Variants in PPP4C observed in about 807,000 individuals in gnomAD.
The protein encoded by PPP4C is protein phosphatase 4 catalytic subunit.
A neutral mutation model predicts 40.5 loss-of-function variants in PPP4C; 10 were observed. That is an observed-to-expected ratio of 0.25 (90% confidence interval 0.15 to 0.42). The LOEUF (loss-of-function observed/expected upper bound fraction) is 0.42. Ranked by LOEUF, PPP4C falls within the 10% of genes least tolerant of loss-of-function variation. The pLI is 1.00. For missense variants in PPP4C, 191 were observed against 416.4 expected (o/e 0.46, Z 4.71); for synonymous variants, 187 against 163.6 (o/e 1.14, Z -1.09).
At chr16:30,081,469 G>T in intron 3 of PPP4C, 159 bp downstream of exon 3, 1 of 617,296 alleles carries the variant, frequency 1.6e-6, no homozygotes, top group Non-Finnish European at 2.8e-6. Context: ...GGGTTGCTGT[G>T]CACGTTGGCT....
Position 30,085,320 on chromosome 16 carries a change from T to C in PPP4C, c.*258T>C, listed in dbSNP as rs1340398349. ...TTTCCTTCTTTTTTCTGTTTGTTTTTAGATAAAAATTTTGAGAAAAAAAAT... is the reference window on the plus strand; with the variant it reads ...TTTCCTTCTTTTTTCTGTTTGTTTTCAGATAAAAATTTTGAGAAAAAAAAT... On this transcript the variant is annotated 3_prime_UTR_variant, in exon 9 of 9. Transcript: ENST00000279387. 2.5e-5 allele frequency: 9 copies of C among 364,348 alleles called. No individual in the cohort carries two copies. The highest frequency in any genetic ancestry group is 9.3e-5 in the South Asian group (1 of 10,740). The allele number at this position is 364,348 out of a possible 1,614,324, so 22.6% of individuals were successfully genotyped here. A position where few individuals can be genotyped will look rare whatever the true frequency, so the allele number is the denominator to read the frequency against.
At chr16:30,078,811 G>C (rs1426047675) in intron 2 of PPP4C, among the ~76,000 whole-genome samples, 1 of 152,232 alleles carries the variant, frequency 6.6e-6, no homozygotes, top group East Asian at 1.9e-4. Flanking sequence ...CCCTCGTCAA[G>C]TCACTTTCTG....
At chr16:30,079,647 G>A (rs2072467240) in intron 2 of PPP4C, among the ~76,000 whole-genome samples, 1 of 152,172 alleles carries the variant, frequency 6.6e-6, no homozygotes, top group Non-Finnish European at 1.5e-5. Context: ...CACCGCCAGT[G>A]CTGCCTTCTG....
intron 7 of PPP4C, among the ~76,000 whole-genome samples, chr16:30,084,420 G>T (rs1296828913): frequency 6.6e-6 from 1 of 152,216 alleles, no homozygotes; most frequent in African/African-American, 2.4e-5. Context: ...GACGGGGATT[G>T]TATGATCACT....
chr16:30,082,651 A>C, intron 4 of PPP4C, 95 bp from the exon 5 acceptor site: 1 of 1,531,932 alleles, frequency 6.5e-7, no homozygotes, highest in Non-Finnish European at 9.0e-7. Flanking sequence ...CCCAAGTTAG[A>C]TGGGTGGTTG....
intron 5 of PPP4C, 98 bp downstream of exon 5, chr16:30,082,945 C>A: frequency 1.9e-6 from 2 of 1,056,862 alleles, no homozygotes; most frequent in East Asian, 2.4e-5. Context: ...ACCAGCCCCA[C>A]CTTGGAGCTG....
At chr16:30,082,567 G>T (rs536236711) in intron 4 of PPP4C, 33 bp downstream of exon 4, 1 of 1,602,230 alleles carries the variant, frequency 6.2e-7, no homozygotes, top group African/African-American at 1.3e-5. Context: ...GAAATGTAAC[G>T]GGGGGATGAC....
At chr16:30,081,079 CA>C (rs990222349) in intron 2 of PPP4C, 179 bp from the exon 3 acceptor site, 8 of 738,622 alleles carry the variant, frequency 1.1e-5, no homozygotes, top group Admixed American at 6.8e-5. Context: ...AGCAGGGGGC[CA>C]CGGAAGGGTG....
chr16:30,085,142 G>T lies in PPP4C; in HGVS notation c.*80G>T. The T allele has an allele frequency of 6.7e-7, 1 of 1,499,342 alleles. No individual in the cohort carries two copies. The highest frequency in any genetic ancestry group is 1.2e-5 in the South Asian group (1 of 82,642). 92.9% of individuals were successfully genotyped at this position (1,499,342 alleles called of 1,614,324 possible). On this transcript the variant is annotated 3_prime_UTR_variant, in exon 9 of 9. Transcript: ENST00000279387. ...CTGCCATCTTCCTCAGACGGAGGCT[G>T]GGCGTGGGGGGGGCTGTCCTGGCTC...
At chr16:30,077,666 T>A in intron 2 of PPP4C, among the ~76,000 whole-genome samples, 1 of 152,238 alleles carries the variant, frequency 6.6e-6, no homozygotes, top group South Asian at 2.1e-4. Flanking sequence ...ACAGTAAACA[T>A]TGGCCTTTAC....
At chr16:30,076,584 C>A (rs1596825607) in intron 2 of PPP4C, 109 bp downstream of exon 2, 7 of 1,115,660 alleles carry the variant, frequency 6.3e-6, no homozygotes, top group African/African-American at 1.5e-5. Flanking sequence ...GAAGCTTTCC[C>A]AGAGAGGAGC....
chr16:30,081,089 T>G (rs1038310425), intron 2 of PPP4C, 170 bp from the exon 3 acceptor site: 2 of 801,108 alleles, frequency 2.5e-6, no homozygotes, highest in East Asian at 2.6e-5. Context: ...CACGGAAGGG[T>G]GTTGCATGCT....
At chr16:30,082,014 C>T (rs933033915) in intron 3 of PPP4C, among the ~76,000 whole-genome samples, 4 of 151,542 alleles carry the variant, frequency 2.6e-5, no homozygotes, top group African/African-American at 9.7e-5. Flanking sequence ...GAGATCGCGC[C>T]ACCGCACTCC....
Position 30,081,295 on chromosome 16 carries a change from G to C in PPP4C, c.135G>C (p.Val45=). The change falls in exon 3 of 9, where the codon GTG becomes GTC. Residue 45 remains valine (V), a synonymous_variant. Coordinates refer to ENST00000279387, the MANE Select transcript of PPP4C (RefSeq NM_002720.3). ...ILVEESNVQR[V]DSPVTVCGDI... is the part of the protein sequence containing the mutation. Reference sequence around the variant, plus strand: ...TAGAGGAGAGCAACGTGCAGAGGGTGGACTCGCCAGTCACAGTGAGTACCT... The same window carrying C: ...TAGAGGAGAGCAACGTGCAGAGGGTCGACTCGCCAGTCACAGTGAGTACCT... 1.2e-6 allele frequency: 2 copies of C among 1,613,792 alleles called. No individual in the cohort carries two copies. The highest frequency in any genetic ancestry group is 1.7e-6 in the Non-Finnish European group (2 of 1,179,882).
chr16:30,077,113 A>G (rs1242521403), intron 2 of PPP4C, among the ~76,000 whole-genome samples: 2 of 152,162 alleles, frequency 1.3e-5, no homozygotes, highest in African/African-American at 4.8e-5. Flanking sequence ...TAGGGAGGCC[A>G]GTTCAGAGTT....
At position 30,076,026 on chromosome 16, in the gene PPP4C, C is replaced by A; in HGVS notation, c.-132C>A. The A allele has an allele frequency of 2.6e-6, 1 of 382,846 alleles. No homozygotes were observed. Among genetic ancestry groups the A allele is most frequent in the Middle Eastern group, 7.3e-4 (1 of 1,364 alleles). The allele number at this position is 382,846 out of a possible 1,614,324, so 23.7% of individuals were successfully genotyped here. A position where few individuals can be genotyped will look rare whatever the true frequency, so the allele number is the denominator to read the frequency against. ...GTAGGAGCGGCGGCGGCGGCGGCGG[C>A]GGCGGTCGAAAGCGGAGTGAAAGAG... On this transcript the variant is annotated 5_prime_UTR_variant, in exon 1 of 9. Coordinates refer to ENST00000279387, the MANE Select transcript of PPP4C (RefSeq NM_002720.3).
chr16:30,079,315 A>C (rs999704361), intron 2 of PPP4C, among the ~76,000 whole-genome samples: 1 of 150,732 alleles, frequency 6.6e-6, no homozygotes, highest in African/African-American at 2.4e-5. Flanking sequence ...TCAGCCTCCC[A>C]AGTAGCTGGG....
chr16:30,076,020 C>G lies in PPP4C; in HGVS notation c.-138C>G. The G allele has an allele frequency of 2.7e-6, 1 of 377,348 alleles. No homozygotes were observed. The highest frequency in any genetic ancestry group is 4.8e-6 in the Non-Finnish European group (1 of 207,310). The allele number at this position is 377,348 out of a possible 1,614,324, so 23.4% of individuals were successfully genotyped here. ...CCGGAAGTAGGAGCGGCGGCGGCGGCGGCGGCGGCGGTCGAAAGCGGAGTG... is the reference window on the plus strand; with the variant it reads ...CCGGAAGTAGGAGCGGCGGCGGCGGGGGCGGCGGCGGTCGAAAGCGGAGTG... On this transcript the variant is annotated 5_prime_UTR_variant, in exon 1 of 9. Coordinates refer to ENST00000279387, the MANE Select transcript of PPP4C (RefSeq NM_002720.3).
Position 30,083,017 on chromosome 16 carries a change from G to GC in PPP4C, c.303+172dup. 1.6e-6 allele frequency: 1 copy of GC among 629,082 alleles called. No individual in the cohort carries two copies. Among genetic ancestry groups the GC allele is most frequent in the East Asian group, 2.8e-5 (1 of 35,998 alleles). The allele number at this position is 629,082 out of a possible 1,614,324, so 39.0% of individuals were successfully genotyped here. A position where few individuals can be genotyped will look rare whatever the true frequency, so the allele number is the denominator to read the frequency against. The stretch of plus-strand genomic sequence containing the variant: ...GGTCAGAGACTTGATGGGGGTTGAG[G>GC]CCAGCGGGGCAGCATTCTGGGAGGG... On this transcript the variant is annotated intron_variant, in intron 5 of 8. Coordinates refer to ENST00000279387, the MANE Select transcript of PPP4C (RefSeq NM_002720.3). This position sits in a 1 kb window ranked among gnomAD's most constrained non-coding sequence, Gnocchi z 6.3.
Sources: allele counts gnomAD v4.1 joint callset (sites outside exome capture counted in the v4.1 genomes callset), GRCh38; gene constraint gnomAD v4.1.1; non-coding constraint Gnocchi (gnomAD v3.1); transcripts MANE v1.5; gene names NCBI Gene and HGNC (gene_info 2026-07-23, HGNC 2026-07-21).